Variants in GRK4 observed in about 807,000 individuals in gnomAD.
The protein encoded by GRK4 is G protein-coupled receptor kinase 2-like.
A neutral mutation model predicts 77.9 loss-of-function variants in GRK4; 73 were observed. The ratio of observed to expected loss-of-function variants is 0.94; its 90% CI spans 0.78 to 1.14. The LOEUF is 1.14. GRK4 is among the 50% of genes most tolerant of loss of function. GRK4 has a pLI of 0.00. For missense variants in GRK4, 729 were observed against 700.2 expected (o/e 1.04, Z -0.46); for synonymous variants, 257 against 254.4 (o/e 1.01, Z -0.10).
chr4:3,032,318 TA>T (rs386399080), intron 12 of GRK4, among the ~76,000 whole-genome samples: 3 of 149,520 alleles, frequency 2.0e-5, no homozygotes, highest in Non-Finnish European at 3.0e-5. Flanking sequence ...CTATCTCTAC[TA>T]AAAAAAAAAT....
chr4:3,007,263 C>G (rs1052827836), intron 5 of GRK4, among the ~76,000 whole-genome samples: 1 of 152,108 alleles, frequency 6.6e-6, no homozygotes, highest in South Asian at 2.1e-4. Context: ...TGCACTTACC[C>G]GCTCACAGTA....
chr4:3,031,242 G>C (rs145578236), intron 12 of GRK4, among the ~76,000 whole-genome samples: 2 of 152,176 alleles, frequency 1.3e-5, no homozygotes, highest in Non-Finnish European at 2.9e-5. Flanking sequence ...CTGGGGAGAC[G>C]TGAGCAGGGC....
rs113476947 is a variant in GRK4 at position 3,019,735 on chromosome 4, T to G, written c.836T>G (p.Leu279Arg). The change falls in exon 9 of 16, where the codon CTG (leucine) becomes CGG (arginine). Residue 279 changes from leucine to arginine, a missense_variant. Coordinates refer to ENST00000398052, the MANE Select transcript of GRK4 (RefSeq NM_182982.3). ...GATTTGAAGTTTCACATTTACAACC[T>G]GGGCAATCCCGGCTTTGATGAGCAG... is the stretch of plus-strand genomic sequence containing the variant. The part of the protein sequence containing the change: ...GGDLKFHIYN[L>R]GNPGFDEQRA... 1 of 1,614,244 alleles carries G rather than the reference T, an allele frequency of 6.2e-7. No homozygotes were observed. The highest frequency in any genetic ancestry group is 1.1e-5 in the South Asian group (1 of 91,086).
intron 2 of GRK4, among the ~76,000 whole-genome samples, chr4:2,985,034 C>T (rs1723876192): frequency 6.6e-6 from 1 of 152,174 alleles, no homozygotes; most frequent in Admixed American, 6.5e-5. Context: ...CTCCCCATGA[C>T]CGAGCCAATT....
chr4:3,007,135 A>G (rs762926919), intron 5 of GRK4, among the ~76,000 whole-genome samples: 6 of 152,004 alleles, frequency 3.9e-5, no homozygotes, highest in South Asian at 2.1e-4. Context: ...CCAGGAGTTC[A>G]AGGCTGCATT....
At chr4:3,010,949 G>A (rs1732740066) in intron 7 of GRK4, among the ~76,000 whole-genome samples, 1 of 152,114 alleles carries the variant, frequency 6.6e-6, no homozygotes, top group South Asian at 2.1e-4. Flanking sequence ...TGTCCCTCTG[G>A]TACAGTTCCA....
intron 4 of GRK4, among the ~76,000 whole-genome samples, chr4:2,998,256 C>G (rs1728534963): frequency 6.6e-6 from 1 of 151,858 alleles, no homozygotes; most frequent in Non-Finnish European, 1.5e-5. Context: ...TACTTGGAAG[C>G]TGAGGCAGGA....
At position 3,022,418 on chromosome 4, in the gene GRK4, T is replaced by G. The variant is rs905021680; in HGVS notation, c.937T>G (p.Leu313Val). 6.2e-7 allele frequency: 1 copy of G among 1,613,972 alleles called. No homozygotes were observed. The highest frequency in any genetic ancestry group is 8.5e-7 in the Non-Finnish European group (1 of 1,179,942). The change falls in exon 10 of 16, where the codon TTG (leucine) becomes GTG (valine). Residue 313 changes from leucine to valine, a missense_variant. Coordinates refer to ENST00000398052, the MANE Select transcript of GRK4 (RefSeq NM_182982.3). The stretch of plus-strand genomic sequence containing the variant: ...TTTTGTTGTTGTTTCTTGTAGAGAC[T>G]TGAAGCCTGAGAATATTCTCCTTGA... ...LQRERIVYRD[L>V]KPENILLDDR...
intron 2 of GRK4, chr4:2,987,036 C>T: frequency 2.2e-6 from 1 of 450,864 alleles, no homozygotes; most frequent in South Asian, 1.7e-5. Flanking sequence ...AGTTGTGAAA[C>T]CATCACCACA....
Position 3,031,172 on chromosome 4 carries a change from G to A in GRK4, c.1269+1763G>A, listed in dbSNP as rs191353920. Among the ~76,000 whole-genome samples the A allele has an allele frequency of 1.8e-3, 269 of 152,306 alleles. 2 individuals carry two copies. The highest frequency in any genetic ancestry group is 3.6e-3 in the Admixed American group (55 of 15,298). On this transcript the variant is annotated intron_variant, in intron 12 of 15. Coordinates refer to ENST00000398052, the MANE Select transcript of GRK4 (RefSeq NM_182982.3). ...GGACAGCAGCCAGCGCACGGGGAGT[G>A]TGTGGGCAGTTCCTCCAGTGACCGG...
At chr4:2,976,726 C>T (rs548117288) in intron 1 of GRK4, among the ~76,000 whole-genome samples, 64 of 151,448 alleles carry the variant, frequency 4.2e-4, no homozygotes, top group African/African-American at 1.4e-3. Context: ...CCACAACCTC[C>T]GCTTCCAGGT....
rs558498406 is a variant in GRK4 at position 3,031,418 on chromosome 4, C to T, written c.1269+2009C>T. On this transcript the variant is annotated intron_variant, in intron 12 of 15. Transcript: ENST00000398052. ...GCGGACCTGAAGGGAGGGGAGTGGC[C>T]GTGGTTGTGTGCTGGGCTTCTGCCA... 1.3e-3 allele frequency among the ~76,000 whole-genome samples: 203 copies of T among 152,236 alleles called. 2 individuals carry two copies. The highest frequency in any genetic ancestry group is 4.4e-4 in the Non-Finnish European group (30 of 68,018).
intron 14 of GRK4, among the ~76,000 whole-genome samples, chr4:3,037,729 A>AGTGATTGATAGTGATAGTGTT (rs1560515112): frequency 3.3e-5 from 5 of 152,232 alleles, no homozygotes; most frequent in African/African-American, 1.2e-4. Context: ...AGCCTGGCCA[A>AGTGATTGATAGTGATAGTGTT]CATAGTGAAA....
rs530764072 is a variant in GRK4 at position 2,977,417 on chromosome 4, ACCATCTGTTTAC to A, written c.53-7092_53-7081del. Among the ~76,000 whole-genome samples, 514 of 152,244 alleles carry A rather than the reference ACCATCTGTTTAC, an allele frequency of 3.4e-3. 1 individual carries two copies. The highest frequency in any genetic ancestry group is 0.012 in the African/African-American group (498 of 41,530). ...CTCCGGCTGCTACGCCTACTGCTAG[ACCATCTGTTTAC>A]CCAGGGTTTTTTATTAGGTTAATAT... On this transcript the variant is annotated intron_variant, in intron 1 of 15. Coordinates refer to ENST00000398052, the MANE Select transcript of GRK4 (RefSeq NM_182982.3).
chr4:2,976,967 C>T (rs975058544), intron 1 of GRK4, among the ~76,000 whole-genome samples: 1 of 152,166 alleles, frequency 6.6e-6, no homozygotes, highest in Non-Finnish European at 1.5e-5. Flanking sequence ...GTCTCTACTC[C>T]CCAGATTAGT....
chr4:3,001,231 G>T (rs561990166), intron 4 of GRK4, among the ~76,000 whole-genome samples: 1 of 131,602 alleles, frequency 7.6e-6, no homozygotes, highest in East Asian at 2.0e-4. Flanking sequence ...GTATATATGT[G>T]TATGTGTATA....
chr4:3,030,143 G>A (rs755350756), intron 12 of GRK4, among the ~76,000 whole-genome samples: 10 of 152,180 alleles, frequency 6.6e-5, no homozygotes, highest in Non-Finnish European at 1.0e-4. Flanking sequence ...CTGACCTGAG[G>A]GCCTTCTGTG....
intron 10 of GRK4, among the ~76,000 whole-genome samples, chr4:3,023,294 C>T (rs1736573380): frequency 1.3e-5 from 2 of 152,170 alleles, no homozygotes; most frequent in South Asian, 4.1e-4. Flanking sequence ...AGGATGGTTG[C>T]ACTGCTGGGG....
At chr4:2,978,987 T>C (rs1380176371) in intron 1 of GRK4, among the ~76,000 whole-genome samples, 2 of 151,804 alleles carry the variant, frequency 1.3e-5, no homozygotes, top group Non-Finnish European at 2.9e-5. Flanking sequence ...CCCAGCACTT[T>C]GGGAGGCCAA....
Sources: gnomAD v4.1 joint callset for allele counts (sites outside exome capture counted in the v4.1 genomes callset) on GRCh38, gnomAD v4.1.1 for gene constraint, MANE v1.5 for transcripts, NCBI Gene and HGNC (gene_info 2026-07-23, HGNC 2026-07-21) for gene names.